RPS6KC1: variants seen among roughly 807,000 people sequenced by gnomAD.
RPS6KC1 encodes the protein inactive ribosomal protein S6 kinase delta-1.
Under a neutral mutation model 103.8 loss-of-function variants are expected in RPS6KC1, and 54 were observed. The observed-to-expected ratio is 0.52, with a 90% CI of 0.42 to 0.65. RPS6KC1 has a LOEUF of 0.65. Ranked by LOEUF, RPS6KC1 falls within the 30% of genes least tolerant of loss-of-function variation. The pLI is 0.00. For missense variants in RPS6KC1, 1,151 were observed against 1,253.8 expected (o/e 0.92, Z 1.24); for synonymous variants, 439 against 438.7 (o/e 1.00, Z -0.01).
At chr1:213,696,067 C>T in the RPS6KC1 span, among the ~76,000 whole-genome samples, 1 of 152,110 alleles carries the variant, frequency 6.6e-6, no homozygotes, top group Non-Finnish European at 1.5e-5. Context: ...TCTAAATTTC[C>T]TCTAGCAAAC....
intron 6 of RPS6KC1, among the ~76,000 whole-genome samples, chr1:213,166,070 G>T (rs1172822231): frequency 1.3e-5 from 2 of 151,284 alleles, no homozygotes; most frequent in Non-Finnish European, 2.9e-5. Context: ...TTTAATTCTA[G>T]CTTTAACTAG....
chr1:213,241,051 A>G lies in RPS6KC1; in HGVS notation c.1575A>G (p.Glu525=). 6.2e-7 allele frequency: 1 copy of G among 1,613,490 alleles called. No homozygotes were observed. The highest frequency in any genetic ancestry group is 8.5e-7 in the Non-Finnish European group (1 of 1,179,926). Residue 525 remains glutamate (E), a synonymous_variant, in exon 11 of 15, where the codon GAA becomes GAG. Transcript: ENST00000366960. ...LCNEYGQEKI[E]PGSLNEEPFM... ...ATGAATATGGGCAAGAAAAGATTGA[A>G]CCAGGGTCTTTGAATGAGGAGCCCT...
the RPS6KC1 span, among the ~76,000 whole-genome samples, chr1:213,432,499 C>T: frequency 6.6e-6 from 1 of 152,130 alleles, no homozygotes; most frequent in East Asian, 1.9e-4. Flanking sequence ...ATAAATGACA[C>T]ATTTTAAAGT....
chr1:213,414,687 G>A, the RPS6KC1 span, among the ~76,000 whole-genome samples: 2 of 152,224 alleles, frequency 1.3e-5, no homozygotes, highest in East Asian at 3.9e-4. Context: ...CCTGGTTTGA[G>A]GTCATTTGTT....
At chr1:213,456,075 A>G in the RPS6KC1 span, among the ~76,000 whole-genome samples, 3 of 152,102 alleles carry the variant, frequency 2.0e-5, no homozygotes, top group Non-Finnish European at 4.4e-5. Context: ...TCAGAGACCC[A>G]TAGCCAATGA....
chr1:213,476,072 T>C, the RPS6KC1 span, among the ~76,000 whole-genome samples: 2 of 149,564 alleles, frequency 1.3e-5, no homozygotes, highest in East Asian at 4.0e-4. Flanking sequence ...GTGTGACTGG[T>C]GTGCTTTGAG....
chr1:213,302,342 C>T, the RPS6KC1 span, among the ~76,000 whole-genome samples: 1 of 152,292 alleles, frequency 6.6e-6, no homozygotes, highest in East Asian at 1.9e-4. Flanking sequence ...CTCCTAGAAT[C>T]TCAGGAGTGA....
chr1:213,786,441 C>CA, the RPS6KC1 span, among the ~76,000 whole-genome samples: 1 of 152,116 alleles, frequency 6.6e-6, no homozygotes, highest in Non-Finnish European at 1.5e-5. Flanking sequence ...TATCATAGTA[C>CA]AGTGAGTAGA....
chr1:213,325,834 A>G, the RPS6KC1 span, among the ~76,000 whole-genome samples: 2 of 152,224 alleles, frequency 1.3e-5, no homozygotes, highest in Non-Finnish European at 2.9e-5. Flanking sequence ...AGGACAACTG[A>G]GAATGACAGA....
chr1:213,441,926 A>G, the RPS6KC1 span, among the ~76,000 whole-genome samples: 1 of 152,236 alleles, frequency 6.6e-6, no homozygotes, highest in South Asian at 2.1e-4. Context: ...TGCACATTGT[A>G]TTTACAAATT....
the RPS6KC1 span, among the ~76,000 whole-genome samples, chr1:213,656,301 G>T: frequency 2.6e-5 from 4 of 152,236 alleles, no homozygotes; most frequent in African/African-American, 9.6e-5. Flanking sequence ...CTAGCACAAG[G>T]CTCGGGAGGG....
the RPS6KC1 span, among the ~76,000 whole-genome samples, chr1:213,404,067 C>G: frequency 3.3e-5 from 5 of 152,076 alleles, no homozygotes; most frequent in Admixed American, 1.3e-4. Flanking sequence ...TGGATAGTCG[C>G]GGGGGCTGGG....
intron 5 of RPS6KC1, among the ~76,000 whole-genome samples, chr1:213,123,147 G>A (rs888959046): frequency 2.6e-5 from 4 of 152,104 alleles, no homozygotes; most frequent in African/African-American, 7.2e-5. Context: ...AGCACTCACA[G>A]AACTATATTT....
At chr1:213,266,007 A>G (rs889543268) in intron 14 of RPS6KC1, among the ~76,000 whole-genome samples, 5 of 152,204 alleles carry the variant, frequency 3.3e-5, no homozygotes, top group Admixed American at 2.0e-4. Context: ...CTATTCATAG[A>G]GTTGTGAGTT....
At chr1:213,077,629 T>A in intron 2 of RPS6KC1, 67 bp from the exon 3 acceptor site, 1 of 993,666 alleles carries the variant, frequency 1.0e-6, no homozygotes, top group East Asian at 2.7e-5. Context: ...AATGAAAGGA[T>A]TATTTGTTGT....
At chr1:213,240,033 T>C (rs1332467970) in intron 10 of RPS6KC1, among the ~76,000 whole-genome samples, 1 of 152,182 alleles carries the variant, frequency 6.6e-6, no homozygotes, top group Non-Finnish European at 1.5e-5. Context: ...TTTAAAGATA[T>C]ATGTCAGAAT....
At chr1:213,725,196 T>C in the RPS6KC1 span, among the ~76,000 whole-genome samples, 2 of 152,240 alleles carry the variant, frequency 1.3e-5, no homozygotes, top group African/African-American at 4.8e-5. Flanking sequence ...TTGTAACTCA[T>C]TACTTGGATA....
the RPS6KC1 span, among the ~76,000 whole-genome samples, chr1:213,827,090 G>A: frequency 6.6e-6 from 1 of 152,152 alleles, no homozygotes; most frequent in East Asian, 1.9e-4. Flanking sequence ...ATGACTAGGG[G>A]CCTTTTGCAT....
the RPS6KC1 span, among the ~76,000 whole-genome samples, chr1:213,449,416 C>T: frequency 2.6e-5 from 4 of 152,160 alleles, no homozygotes; most frequent in Admixed American, 6.5e-5. Flanking sequence ...TGGGTTCCCC[C>T]GAGGCCTCTC....
Sources: allele counts gnomAD v4.1 joint callset (sites outside exome capture counted in the v4.1 genomes callset), GRCh38; gene constraint gnomAD v4.1.1; transcripts MANE v1.5; gene names NCBI Gene and HGNC (gene_info 2026-07-23, HGNC 2026-07-21).